The following SYN3 variants were observed in gnomAD, a reference collection of about 807,000 sequenced individuals.
The protein encoded by SYN3 is synapsin III.
A neutral mutation model predicts 65.8 loss-of-function variants in SYN3; 35 were observed. That is an observed-to-expected ratio of 0.53 (90% CI 0.41 to 0.70). The LOEUF (loss-of-function observed/expected upper bound fraction) is 0.70. Among genes scored for constraint, SYN3 ranks in the 30% least tolerant of loss-of-function variants. SYN3 has a pLI of 0.00. For synonymous variants in SYN3, 270 were observed against 292.9 expected, an observed-to-expected ratio of 0.92 and a Z score of 0.80; for missense variants, 680 against 749.0, an observed-to-expected ratio of 0.91 and a Z score of 1.08.
In SYN3 at chr22:32,805,778, A is replaced by C. The variant is rs114672546; in HGVS notation, c.711+59137T>G. On this transcript the variant is annotated intron_variant, in intron 6 of 13. Coordinates refer to ENST00000358763, the MANE Select transcript of SYN3 (RefSeq NM_003490.4). ...TTATCAGTTATACCATGCTTCAAAA[A>C]CCTTTCAACTTTCATTGACACATGA... 8.2e-3 allele frequency among the ~76,000 whole-genome samples: 1,251 copies of C among 152,144 alleles called. 14 individuals are homozygous for C. The highest frequency in any genetic ancestry group is 0.028 in the African/African-American group (1,143 of 41,488).
At chr22:32,944,880 A>C (rs1031996849) in intron 3 of SYN3, among the ~76,000 whole-genome samples, 3 of 152,266 alleles carry the variant, frequency 2.0e-5, no homozygotes, top group African/African-American at 7.2e-5. Context: ...AATCACAAGC[A>C]TTCTTATACA....
intron 6 of SYN3, among the ~76,000 whole-genome samples, chr22:32,750,796 G>T (rs1226963405): frequency 6.6e-6 from 1 of 152,084 alleles, no homozygotes; most frequent in African/African-American, 2.4e-5. Context: ...GTGAGAGAAG[G>T]GGCAAGCAAG....
chr22:32,970,550 A>AAAAAAAAAAG (rs1023453656), intron 3 of SYN3, among the ~76,000 whole-genome samples: 1 of 150,336 alleles, frequency 6.7e-6, no homozygotes, highest in Non-Finnish European at 1.5e-5. Context: ...CTCCATCTCA[A>AAAAAAAAAAG]AAAAAAAAAG....
chr22:32,830,369 T>C (rs1251422730), intron 6 of SYN3, among the ~76,000 whole-genome samples: 1 of 152,116 alleles, frequency 6.6e-6, no homozygotes, highest in African/African-American at 2.4e-5. Flanking sequence ...ATCTCCCTTT[T>C]CAAGCTGAAA....
rs567957679 is a variant in SYN3 at position 32,596,839 on chromosome 22, C to T, written c.712-103G>A. The T allele has an allele frequency of 8.9e-4, 1,047 of 1,173,628 alleles. 1 individual carries two copies. The highest frequency in any genetic ancestry group is 1.1e-3 in the Non-Finnish European group (924 of 810,530). The allele number at this position is 1,173,628 out of a possible 1,614,324, so 72.7% of individuals were successfully genotyped here. The stretch of plus-strand genomic sequence containing the variant: ...GAAAGATCCATTCATTTCATATGGT[C>T]GGGAATCCCCACAAGAATGCTTCGA... On this transcript the variant is annotated intron_variant, in intron 6 of 13. Coordinates refer to ENST00000358763, the MANE Select transcript of SYN3 (RefSeq NM_003490.4).
Position 32,801,843 on chromosome 22 carries a change from C to T in SYN3, c.711+63072G>A, listed in dbSNP as rs976375405. The T allele has an allele frequency of 2.0e-5, 19 of 930,058 alleles. No homozygotes were observed. Among genetic ancestry groups the T allele is most frequent in the Non-Finnish European group, 2.6e-5 (19 of 722,478 alleles). 57.6% of individuals were successfully genotyped at this position (930,058 alleles called of 1,614,324 possible). ...GAGGCAGCCTCGCTGCGCCCCATCCCGTCCCGCCGGGCACTCGGAGGGCAG... is the reference window on the plus strand; with the variant it reads ...GAGGCAGCCTCGCTGCGCCCCATCCTGTCCCGCCGGGCACTCGGAGGGCAG... On this transcript the variant is annotated intron_variant, in intron 6 of 13. Coordinates refer to ENST00000358763, the MANE Select transcript of SYN3 (RefSeq NM_003490.4). This position sits in a 1 kb window ranked among gnomAD's most constrained non-coding sequence, Gnocchi z 4.7.
intron 6 of SYN3, among the ~76,000 whole-genome samples, chr22:32,777,285 G>A (rs139975064): frequency 1.6e-3 from 246 of 152,204 alleles, no homozygotes; most frequent in African/African-American, 5.6e-3. Flanking sequence ...TTCATCTCAG[G>A]CAGCTAGAAA....
chr22:32,773,433 A>C (rs998204619), intron 6 of SYN3, among the ~76,000 whole-genome samples: 3 of 144,934 alleles, frequency 2.1e-5, no homozygotes, highest in Admixed American at 6.9e-5. Flanking sequence ...AAAAAAAAAA[A>C]AGAACGCAAC....
intron 9 of SYN3, among the ~76,000 whole-genome samples, chr22:32,535,902 G>A (rs1030806504): frequency 6.6e-6 from 1 of 152,234 alleles, no homozygotes; most frequent in Non-Finnish European, 1.5e-5. Context: ...GGCGGGGTCA[G>A]GCCCTGTGTA....
chr22:32,906,314 A>C (rs2049901140), intron 4 of SYN3, among the ~76,000 whole-genome samples: 1 of 152,074 alleles, frequency 6.6e-6, no homozygotes, highest in African/African-American at 2.4e-5. Context: ...TGGAGTGGGG[A>C]ACAGGAACCT....
At chr22:32,776,412 A>T (rs528026028) in intron 6 of SYN3, among the ~76,000 whole-genome samples, 1 of 152,210 alleles carries the variant, frequency 6.6e-6, no homozygotes, top group African/African-American at 2.4e-5. Flanking sequence ...GTCATGCCTT[A>T]CCAGGTGCCA....
intron 6 of SYN3, among the ~76,000 whole-genome samples, chr22:32,790,373 T>G (rs1270814306): frequency 2.0e-5 from 3 of 151,516 alleles, no homozygotes; most frequent in Non-Finnish European, 4.4e-5. Flanking sequence ...TTAATATAAT[T>G]TATTAGTTAT....
intron 6 of SYN3, among the ~76,000 whole-genome samples, chr22:32,714,170 C>T (rs2061005055): frequency 6.6e-6 from 1 of 152,148 alleles, no homozygotes. Context: ...GTTTGGATTT[C>T]AGCTGAAATC....
chr22:32,955,207 C>T (rs570040964), intron 3 of SYN3, among the ~76,000 whole-genome samples: 316 of 152,256 alleles, frequency 2.1e-3, no homozygotes, highest in Non-Finnish European at 4.1e-3. Context: ...CACCTTTGAA[C>T]CCCAAATGCA....
chr22:33,019,668 T>C (rs2053528793), intron 1 of SYN3, among the ~76,000 whole-genome samples: 1 of 152,190 alleles, frequency 6.6e-6, no homozygotes, highest in African/African-American at 2.4e-5. Context: ...GGTTTTGCTT[T>C]TGTTTTTGAG....
chr22:32,570,509 T>TCCA (rs2058744665), intron 7 of SYN3, among the ~76,000 whole-genome samples: 1 of 150,328 alleles, frequency 6.7e-6, no homozygotes. Flanking sequence ...AAGCTGTGCA[T>TCCA]GTTTCTCTCC....
At chr22:32,909,005 G>C (rs1225820438) in intron 4 of SYN3, among the ~76,000 whole-genome samples, 1 of 152,194 alleles carries the variant, frequency 6.6e-6, no homozygotes, top group Non-Finnish European at 1.5e-5. Flanking sequence ...CTTTAGGCTT[G>C]ATAGGCCTCA....
intron 7 of SYN3, among the ~76,000 whole-genome samples, chr22:32,555,410 C>T (rs1020990316): frequency 2.0e-5 from 3 of 152,230 alleles, no homozygotes; most frequent in Non-Finnish European, 4.4e-5. Context: ...CTATTTCAAT[C>T]ACCCAGAAAA....
chr22:32,846,325 G>A (rs1440725257), intron 6 of SYN3, among the ~76,000 whole-genome samples: 1 of 152,192 alleles, frequency 6.6e-6, no homozygotes, highest in East Asian at 1.9e-4. Context: ...AGTTCTGTAA[G>A]GCTAGAATAT....
Sources: gnomAD v4.1 joint callset for allele counts (sites outside exome capture counted in the v4.1 genomes callset) on GRCh38, gnomAD v4.1.1 for gene constraint, Gnocchi (gnomAD v3.1) non-coding constraint, MANE v1.5 for transcripts, NCBI Gene and HGNC (gene_info 2026-07-23, HGNC 2026-07-21) for gene names.